Variants in WDR7 observed in about 807,000 individuals in gnomAD.
WDR7 encodes WD repeat-containing protein 7.
Under a neutral mutation model 169.4 loss-of-function variants are expected in WDR7, and 46 were observed. The ratio of observed to expected loss-of-function variants is 0.27; its 90% CI spans 0.21 to 0.35. The LOEUF (loss-of-function observed/expected upper bound fraction) is 0.35. WDR7 is among the 10% of genes least tolerant of loss of function. The pLI is 1.00. For missense variants in WDR7, 1,534 were observed against 1,859.3 expected, an observed-to-expected ratio of 0.83 and a Z score of 3.22; for synonymous variants, 612 against 666.8, an observed-to-expected ratio of 0.92 and a Z score of 1.27.
chr18:56,912,195 T>G (rs1336146605), intron 21 of WDR7, among the ~76,000 whole-genome samples: 1 of 152,206 alleles, frequency 6.6e-6, no homozygotes, highest in Admixed American at 6.5e-5. Context: ...AGACTCACTC[T>G]GATTGGTTGA....
chr18:56,963,398 A>G (rs2047362605), intron 26 of WDR7, among the ~76,000 whole-genome samples: 1 of 152,176 alleles, frequency 6.6e-6, no homozygotes, highest in African/African-American at 2.4e-5. Flanking sequence ...ATAAGGATGT[A>G]GCTAAAATGT....
At chr18:56,914,312 T>G (rs992463420) in intron 21 of WDR7, among the ~76,000 whole-genome samples, 1 of 152,240 alleles carries the variant, frequency 6.6e-6, no homozygotes, top group Non-Finnish European at 1.5e-5. Flanking sequence ...CCTGCTTTAT[T>G]TTTCTTCACA....
chr18:56,847,067 G>A (rs572213103), intron 20 of WDR7, among the ~76,000 whole-genome samples: 5 of 152,232 alleles, frequency 3.3e-5, no homozygotes, highest in Middle Eastern at 6.8e-3. Context: ...AGGGGAAGTT[G>A]GGAATTCCTA....
At chr18:56,731,820 G>A (rs996533561) in intron 14 of WDR7, among the ~76,000 whole-genome samples, 10 of 152,048 alleles carry the variant, frequency 6.6e-5, no homozygotes, top group Admixed American at 2.0e-4. Context: ...AAATTCTTCC[G>A]ACTGAATTAA....
intron 26 of WDR7, among the ~76,000 whole-genome samples, chr18:56,993,746 C>T (rs553030715): frequency 2.7e-4 from 41 of 152,092 alleles, no homozygotes; most frequent in African/African-American, 9.9e-4. Context: ...CCTGTTCATC[C>T]GAATTTATAG....
chr18:56,720,560 A>C (rs981751581), intron 13 of WDR7, among the ~76,000 whole-genome samples: 3 of 152,248 alleles, frequency 2.0e-5, no homozygotes, highest in African/African-American at 7.2e-5. Flanking sequence ...AGTATGATGA[A>C]GAGACTATCA....
intron 16 of WDR7, among the ~76,000 whole-genome samples, chr18:56,774,563 T>C (rs2044212847): frequency 6.6e-6 from 1 of 152,152 alleles, no homozygotes; most frequent in South Asian, 2.1e-4. Context: ...TGTTTTATGG[T>C]GTAAATCTTT....
At chr18:56,826,692 C>T (rs941286272) in intron 20 of WDR7, among the ~76,000 whole-genome samples, 1 of 152,096 alleles carries the variant, frequency 6.6e-6, no homozygotes, top group Non-Finnish European at 1.5e-5. Flanking sequence ...TTTGTTATAA[C>T]TATTTATCCT....
At chr18:56,821,843 T>C (rs982034404) in intron 20 of WDR7, among the ~76,000 whole-genome samples, 4 of 151,042 alleles carry the variant, frequency 2.6e-5, no homozygotes, top group Non-Finnish European at 5.9e-5. Flanking sequence ...AAAAAAAAAA[T>C]TAAAAGTTAG....
Position 56,781,575 on chromosome 18 carries a change from A to G in WDR7, c.3109A>G (p.Arg1037Gly). 6.2e-7 allele frequency: 1 copy of G among 1,612,498 alleles called. No individual in the cohort carries two copies. The highest frequency in any genetic ancestry group is 8.5e-7 in the Non-Finnish European group (1 of 1,179,226). Residue 1037 changes from arginine to glycine, a missense_variant, in exon 19 of 28, where the codon AGA becomes GGA. By Grantham distance (125) the Arg-to-Gly change is moderately radical. Transcript: ENST00000254442. ...GGCCCTGCTTCTGGCGGAACTGAGA[A>G]GAATTGAGCAGGCAGGCAGGAAGGA... ...AQALLLAELR[R>G]IEQAGRKEAI...
intron 19 of WDR7, among the ~76,000 whole-genome samples, chr18:56,807,674 TA>T (rs199558153): frequency 0.21 from 31,642 of 147,300 alleles, 3,721 homozygotes; most frequent in African/African-American, 0.31. Context: ...AGCAGTTTTC[TA>T]AAAAAAAAAA....
At chr18:56,674,979 A>G (rs987745031) in intron 2 of WDR7, among the ~76,000 whole-genome samples, 5 of 152,324 alleles carry the variant, frequency 3.3e-5, no homozygotes, top group South Asian at 2.1e-4. Context: ...TCAATTGACC[A>G]TAAATGTCAT....
intron 21 of WDR7, among the ~76,000 whole-genome samples, chr18:56,886,142 A>G (rs1017020282): frequency 1.3e-5 from 2 of 152,232 alleles, no homozygotes; most frequent in Non-Finnish European, 2.9e-5. Flanking sequence ...TGAGAAATTT[A>G]TCACAAAAAG....
intron 26 of WDR7, among the ~76,000 whole-genome samples, chr18:56,989,271 C>A (rs2047775603): frequency 1.3e-5 from 2 of 152,092 alleles, no homozygotes; most frequent in Admixed American, 6.5e-5. Context: ...GAGTTGAGTT[C>A]TTTGTTTTAC....
At chr18:56,991,441 G>A (rs118132880) in intron 26 of WDR7, among the ~76,000 whole-genome samples, 5,853 of 152,170 alleles carry the variant, frequency 0.038, 133 homozygotes, top group Non-Finnish European at 0.053. Context: ...CACCATGCCC[G>A]GCCTCATTTT....
At chr18:56,832,952 C>T (rs751396670) in intron 20 of WDR7, among the ~76,000 whole-genome samples, 3 of 152,002 alleles carry the variant, frequency 2.0e-5, no homozygotes, top group Admixed American at 6.5e-5. Context: ...CACAACTCCT[C>T]GCCAGCAAGG....
At chr18:56,980,963 G>A (rs2047636434) in intron 26 of WDR7, among the ~76,000 whole-genome samples, 1 of 152,182 alleles carries the variant, frequency 6.6e-6, no homozygotes, top group African/African-American at 2.4e-5. Flanking sequence ...TACATTATCT[G>A]ATCTACCCTT....
intron 2 of WDR7, 84 bp from the exon 3 acceptor site, chr18:56,679,248 A>T: frequency 8.8e-7 from 1 of 1,134,746 alleles, no homozygotes; most frequent in Non-Finnish European, 1.3e-6. Context: ...CTAGTCTTCT[A>T]TTTTACTATG....
At chr18:56,842,097 A>G (rs1236982106) in intron 20 of WDR7, among the ~76,000 whole-genome samples, 1 of 152,122 alleles carries the variant, frequency 6.6e-6, no homozygotes, top group Non-Finnish European at 1.5e-5. Flanking sequence ...CCCCCACGCT[A>G]GTCATCATCA....
Sources: gnomAD v4.1 joint callset for allele counts (sites outside exome capture counted in the v4.1 genomes callset) on GRCh38, gnomAD v4.1.1 for gene constraint, MANE v1.5 for transcripts, NCBI Gene and HGNC (gene_info 2026-07-23, HGNC 2026-07-21) for gene names.